The following FER variants were observed in gnomAD, a reference collection of about 807,000 sequenced individuals.
FER encodes the protein tyrosine-protein kinase Fer.
In FER, 63 loss-of-function variants were observed where a neutral mutation model predicts 111.0. That is an observed-to-expected ratio of 0.57 (90% CI 0.46 to 0.70). The LOEUF is 0.70. Ranked by LOEUF, FER falls within the 30% of genes least tolerant of loss-of-function variation. FER has a pLI of 0.00. For synonymous variants in FER, 327 were observed against 313.9 expected (o/e 1.04, Z -0.44); for missense variants, 914 against 954.0 (o/e 0.96, Z 0.55).
chr5:108,873,788 G>A (rs140089185), intron 8 of FER, among the ~76,000 whole-genome samples: 3 of 152,286 alleles, frequency 2.0e-5, no homozygotes, highest in East Asian at 1.9e-4. Flanking sequence ...GACATTAGCC[G>A]TAGATGCTGC....
intron 3 of FER, among the ~76,000 whole-genome samples, chr5:108,804,479 G>C (rs1756994563): frequency 6.6e-6 from 1 of 152,064 alleles, no homozygotes; most frequent in Non-Finnish European, 1.5e-5. Flanking sequence ...GTCATAGATG[G>C]CTCTTACTGT....
chr5:108,839,279 C>T (rs1760992806), intron 5 of FER, among the ~76,000 whole-genome samples: 1 of 152,050 alleles, frequency 6.6e-6, no homozygotes, highest in South Asian at 2.1e-4. Flanking sequence ...ATTGTGGCTC[C>T]CACAAATCAG....
At chr5:108,839,055 G>A (rs1295959582) in intron 5 of FER, among the ~76,000 whole-genome samples, 2 of 151,704 alleles carry the variant, frequency 1.3e-5, no homozygotes, top group African/African-American at 2.4e-5. Flanking sequence ...AATACCCTTT[G>A]ATACAAAGAA....
intron 13 of FER, among the ~76,000 whole-genome samples, chr5:108,994,453 T>C (rs1309178933): frequency 6.6e-6 from 1 of 152,208 alleles, no homozygotes; most frequent in Non-Finnish European, 1.5e-5. Flanking sequence ...ATCTCAATTC[T>C]GTTCCATTGG....
intron 3 of FER, among the ~76,000 whole-genome samples, chr5:108,818,728 G>A (rs546502231): frequency 6.6e-6 from 1 of 152,032 alleles, no homozygotes; most frequent in African/African-American, 2.4e-5. Context: ...TTGAGAGATG[G>A]GTCATTACTT....
At position 109,073,988 on chromosome 5, in the gene FER, G is replaced by A. The variant is rs373971012; in HGVS notation, c.1925-26408G>A. Among the ~76,000 whole-genome samples, 36 of 151,984 alleles carry A rather than the reference G, an allele frequency of 2.4e-4. No homozygotes were observed. The East Asian group carries it at 2.7e-3, about 11-fold the overall frequency. On this transcript the variant is annotated intron_variant, in intron 16 of 19. Coordinates refer to ENST00000281092, the MANE Select transcript of FER (RefSeq NM_005246.4). ...CCTAAAAATTTTACACTTTTCTTTC[G>A]TATCTTATAAACACTTATCCTGTCT...
At chr5:108,972,958 T>C (rs185760748) in intron 13 of FER, among the ~76,000 whole-genome samples, 1 of 152,280 alleles carries the variant, frequency 6.6e-6, no homozygotes, top group Admixed American at 6.5e-5. Context: ...TTCATAAATG[T>C]TTTTGAGTAC....
chr5:109,022,130 A>G (rs1768009497), intron 13 of FER, among the ~76,000 whole-genome samples: 1 of 152,106 alleles, frequency 6.6e-6, no homozygotes, highest in East Asian at 1.9e-4. Context: ...GCCCATATAC[A>G]GTCCATGCTT....
intron 17 of FER, among the ~76,000 whole-genome samples, chr5:109,158,216 A>G (rs766018002): frequency 6.6e-6 from 1 of 151,420 alleles, no homozygotes; most frequent in Non-Finnish European, 1.5e-5. Context: ...CCGTCTCTAC[A>G]AAAAAAATAC....
At chr5:109,155,405 T>A (rs1014031048) in intron 17 of FER, among the ~76,000 whole-genome samples, 1 of 151,934 alleles carries the variant, frequency 6.6e-6, no homozygotes, top group African/African-American at 2.4e-5. Context: ...TTAGAAAAGA[T>A]GTGATCATTT....
chr5:108,945,497 A>C (rs1159244053), intron 10 of FER, among the ~76,000 whole-genome samples: 1 of 152,076 alleles, frequency 6.6e-6, no homozygotes, highest in East Asian at 1.9e-4. Flanking sequence ...TGTGGCAAAT[A>C]GCAATCTGGA....
At chr5:109,119,267 C>T (rs1484866032) in intron 17 of FER, among the ~76,000 whole-genome samples, 13 of 152,084 alleles carry the variant, frequency 8.5e-5, no homozygotes, top group Non-Finnish European at 1.6e-4. Context: ...TTGTTATGTA[C>T]CCAGTAGTCA....
At chr5:108,818,941 C>G (rs1758552382) in intron 3 of FER, among the ~76,000 whole-genome samples, 1 of 152,072 alleles carries the variant, frequency 6.6e-6, no homozygotes, top group Non-Finnish European at 1.5e-5. Context: ...TGATTAAGTA[C>G]TAAATAGAAA....
At chr5:109,102,131 C>T (rs73779129) in intron 17 of FER, among the ~76,000 whole-genome samples, 18,832 of 151,986 alleles carry the variant, frequency 0.12, 1,210 homozygotes, top group Non-Finnish European at 0.14. Flanking sequence ...AACTATTCTA[C>T]ATTGTAGATG....
At chr5:108,892,493 C>T (rs1197107212) in intron 9 of FER, among the ~76,000 whole-genome samples, 1 of 152,092 alleles carries the variant, frequency 6.6e-6, no homozygotes, top group Non-Finnish European at 1.5e-5. Context: ...TCATATCCTT[C>T]ACCCCCTTTT....
intron 13 of FER, among the ~76,000 whole-genome samples, chr5:109,001,845 C>G (rs866172406): frequency 2.0e-5 from 3 of 151,562 alleles, no homozygotes; most frequent in African/African-American, 7.3e-5. Flanking sequence ...CAATAACAGA[C>G]AAACAGAGAG....
intron 13 of FER, among the ~76,000 whole-genome samples, chr5:108,973,787 C>A (rs1362899512): frequency 6.6e-6 from 1 of 152,116 alleles, no homozygotes; most frequent in African/African-American, 2.4e-5. Context: ...GTATGATTTT[C>A]TCACTACTTT....
chr5:109,165,336 A>G (rs1321305080), intron 17 of FER, among the ~76,000 whole-genome samples: 1 of 152,148 alleles, frequency 6.6e-6, no homozygotes, highest in Non-Finnish European at 1.5e-5. Context: ...AATAGTTTCA[A>G]TATGCCAGGT....
At chr5:108,859,098 A>G (rs1763272089) in intron 5 of FER, among the ~76,000 whole-genome samples, 1 of 152,150 alleles carries the variant, frequency 6.6e-6, no homozygotes, top group South Asian at 2.1e-4. Flanking sequence ...GGATTATACC[A>G]ATTTGCATTT....
Sources: gnomAD v4.1 joint callset for allele counts (sites outside exome capture counted in the v4.1 genomes callset) on GRCh38, gnomAD v4.1.1 for gene constraint, MANE v1.5 for transcripts, NCBI Gene and HGNC (gene_info 2026-07-23, HGNC 2026-07-21) for gene names.